The following CNTNAP2 variants were observed in gnomAD, a reference collection of about 807,000 sequenced individuals.
The protein encoded by CNTNAP2 is contactin associated protein 2, also known as contactin-associated protein-like 2.
Under a neutral mutation model 155.2 loss-of-function variants are expected in CNTNAP2, and 98 were observed. The ratio of observed to expected loss-of-function variants is 0.63; its 90% confidence interval spans 0.54 to 0.75. The LOEUF (loss-of-function observed/expected upper bound fraction) is 0.75. Among genes scored for constraint, CNTNAP2 ranks in the 30% least tolerant of loss-of-function variants. The probability of loss-of-function intolerance (pLI) is 0.00; values close to 1 mark genes in which losing one functional copy is unlikely to be tolerated. For missense variants in CNTNAP2, 1,727 were observed against 1,688.1 expected, an observed-to-expected ratio of 1.02 and a Z score of -0.40; for synonymous variants, 651 against 631.2, an observed-to-expected ratio of 1.03 and a Z score of -0.47.
rs181908526 is a variant in CNTNAP2 at position 147,537,814 on chromosome 7, A to G, written c.1778-24324A>G. 9.9e-4 allele frequency among the ~76,000 whole-genome samples: 151 copies of G among 152,246 alleles called. 1 individual carries two copies. The highest frequency in any genetic ancestry group is 3.4e-3 in the African/African-American group (140 of 41,552). ...TACTGATTCAGGTGTTTATATTTTG[A>G]CTCTGAAAATGGATCTATGTAAAAT... is the stretch of plus-strand genomic sequence containing the variant. On this transcript the variant is annotated intron_variant, in intron 11 of 23. Coordinates refer to ENST00000361727, the MANE Select transcript of CNTNAP2 (RefSeq NM_014141.6).
chr7:147,361,352 T>C (rs1159697502), intron 9 of CNTNAP2, among the ~76,000 whole-genome samples: 1 of 152,210 alleles, frequency 6.6e-6, no homozygotes, highest in African/African-American at 2.4e-5. Context: ...TGTTAGGTTA[T>C]TCAGTTTTGT....
intron 1 of CNTNAP2, among the ~76,000 whole-genome samples, chr7:146,691,816 T>C (rs1800701691): frequency 6.6e-6 from 1 of 152,128 alleles, no homozygotes; most frequent in South Asian, 2.1e-4. Flanking sequence ...ATGAATTAAA[T>C]TGTTTAACCT....
intron 15 of CNTNAP2, among the ~76,000 whole-genome samples, chr7:148,002,968 T>A (rs936761021): frequency 6.6e-6 from 1 of 152,344 alleles, no homozygotes; most frequent in Middle Eastern, 3.4e-3. Flanking sequence ...TGTTCAGATA[T>A]GTGACCTGGG....
At chr7:147,582,814 A>C (rs1032231405) in intron 12 of CNTNAP2, among the ~76,000 whole-genome samples, 2 of 152,154 alleles carry the variant, frequency 1.3e-5, no homozygotes, top group African/African-American at 4.8e-5. Context: ...AAACATACAA[A>C]AGTAACTATA....
intron 3 of CNTNAP2, among the ~76,000 whole-genome samples, chr7:146,874,178 A>G (rs924304773): frequency 2.0e-5 from 3 of 152,160 alleles, no homozygotes; most frequent in African/African-American, 7.2e-5. Flanking sequence ...GAACTTGTAT[A>G]TAAAAGATCC....
chr7:147,104,630 A>T (rs1335470463), intron 4 of CNTNAP2, among the ~76,000 whole-genome samples: 1 of 151,398 alleles, frequency 6.6e-6, no homozygotes, highest in Non-Finnish European at 1.5e-5. Context: ...TTGATATGCT[A>T]TATTTACATA....
At chr7:146,581,913 A>T (rs1486563416) in intron 1 of CNTNAP2, among the ~76,000 whole-genome samples, 1 of 152,122 alleles carries the variant, frequency 6.6e-6, no homozygotes, top group Non-Finnish European at 1.5e-5. Context: ...GAGAATTGAT[A>T]AGATAAGGAT....
intron 3 of CNTNAP2, among the ~76,000 whole-genome samples, chr7:146,925,904 A>G (rs1334646522): frequency 2.0e-5 from 3 of 152,158 alleles, no homozygotes; most frequent in Non-Finnish European, 4.4e-5. Context: ...GTGACAATCC[A>G]GAGGGCTGTA....
intron 1 of CNTNAP2, among the ~76,000 whole-genome samples, chr7:146,766,496 G>A (rs1448110439): frequency 6.6e-6 from 1 of 152,114 alleles, no homozygotes; most frequent in East Asian, 1.9e-4. Flanking sequence ...GATTTTACCT[G>A]AAGTCACTAT....
chr7:146,904,192 A>G (rs1280335720), intron 3 of CNTNAP2, among the ~76,000 whole-genome samples: 1 of 152,004 alleles, frequency 6.6e-6, no homozygotes, highest in Non-Finnish European at 1.5e-5. Context: ...CTCCATTCAC[A>G]CTGGCCTCCT....
chr7:146,954,310 G>T lies in CNTNAP2; in HGVS notation c.403-89597G>T, dbSNP rs558297666. Among the ~76,000 whole-genome samples, 3 of 152,014 alleles carry T rather than the reference G, an allele frequency of 2.0e-5. No individual in the cohort carries two copies. The East Asian group carries it at 5.8e-4, about 29-fold the overall frequency. ...ATACATGTTACATTCTGAAATGTAT[G>T]CTTTGCTGGAGCAGAATGAATGCAA... is the stretch of plus-strand genomic sequence containing the variant. On this transcript the variant is annotated intron_variant, in intron 3 of 23. Coordinates refer to ENST00000361727, the MANE Select transcript of CNTNAP2 (RefSeq NM_014141.6).
In CNTNAP2 at chr7:148,217,336, A is replaced by T. The variant is rs1471645976; in HGVS notation, c.3059A>T (p.Gln1020Leu). 3.7e-6 allele frequency: 6 copies of T among 1,614,054 alleles called. No homozygotes were observed. Among genetic ancestry groups the T allele is most frequent in the Non-Finnish European group, 5.1e-6 (6 of 1,179,978 alleles). ...GGGATGTGGCTACGATATAACTTTC[A>T]GGCACCAGCAACAAATGCCAGAGAC... ...EEGMWLRYNF[Q>L]APATNARDSS... Residue 1020 changes from glutamine (Q) to leucine (L), a missense_variant, in exon 19 of 24, where the codon CAG (glutamine) becomes CTG (leucine). Physicochemically the swap from Gln to Leu is moderately radical, Grantham distance 113 (BLOSUM62 -2). Transcript: ENST00000361727.
chr7:146,539,956 G>A (rs1305664747), intron 1 of CNTNAP2, among the ~76,000 whole-genome samples: 1 of 152,032 alleles, frequency 6.6e-6, no homozygotes, highest in Non-Finnish European at 1.5e-5. Flanking sequence ...AGCACACCTG[G>A]ACAAAGGAGT....
chr7:148,213,258 T>C (rs1795579445), intron 18 of CNTNAP2, among the ~76,000 whole-genome samples: 2 of 152,136 alleles, frequency 1.3e-5, no homozygotes, highest in Non-Finnish European at 2.9e-5. Context: ...GGACCAGCAT[T>C]TTAACAGGCT....
chr7:146,139,247 G>A (rs559733912), intron 1 of CNTNAP2, among the ~76,000 whole-genome samples: 5 of 152,174 alleles, frequency 3.3e-5, no homozygotes, highest in South Asian at 2.1e-4. Flanking sequence ...AGTTTCTACC[G>A]AATGAGTATT....
intron 13 of CNTNAP2, among the ~76,000 whole-genome samples, chr7:147,861,916 C>T (rs546094815): frequency 6.8e-6 from 1 of 146,326 alleles, no homozygotes; most frequent in Admixed American, 7.0e-5. Context: ...AAGAATTGTT[C>T]GAACCCAGGA....
chr7:147,369,366 G>A (rs1166033904), intron 9 of CNTNAP2, among the ~76,000 whole-genome samples: 1 of 152,170 alleles, frequency 6.6e-6, no homozygotes, highest in African/African-American at 2.4e-5. Context: ...TTTGGTGCAA[G>A]TTACTGACAT....
intron 2 of CNTNAP2, among the ~76,000 whole-genome samples, chr7:146,778,593 T>C (rs908193285): frequency 1.3e-5 from 2 of 152,220 alleles, no homozygotes; most frequent in Admixed American, 1.3e-4. Context: ...AGCACTTAGA[T>C]GTGTTACTCT....
At chr7:146,289,392 A>G (rs532412687) in intron 1 of CNTNAP2, among the ~76,000 whole-genome samples, 1 of 152,170 alleles carries the variant, frequency 6.6e-6, no homozygotes, top group South Asian at 2.1e-4. Flanking sequence ...TATCTATCTC[A>G]TGGGAATTAA....
Sources: gnomAD v4.1 joint callset for allele counts (sites outside exome capture counted in the v4.1 genomes callset) on GRCh38, gnomAD v4.1.1 for gene constraint, MANE v1.5 for transcripts, NCBI Gene and HGNC (gene_info 2026-07-23, HGNC 2026-07-21) for gene names.